The following BACE1 variants were observed in gnomAD, a reference collection of about 807,000 sequenced individuals.
The protein encoded by BACE1 is APP beta-secretase.
Under a neutral mutation model 54.0 loss-of-function variants are expected in BACE1, and 21 were observed. The ratio of observed to expected loss-of-function variants is 0.39; its 90% CI spans 0.28 to 0.56. The LOEUF (loss-of-function observed/expected upper bound fraction) is 0.56, where lower values mean the gene tolerates loss of function less well. Ranked by LOEUF, BACE1 falls within the 20% of genes least tolerant of loss-of-function variation. The probability of loss-of-function intolerance (pLI) is 0.63; values close to 1 mark genes in which losing one functional copy is unlikely to be tolerated. For missense variants in BACE1, 511 were observed against 661.2 expected (o/e 0.77, Z 2.49); for synonymous variants, 232 against 260.9 (o/e 0.89, Z 1.07).
chr11:117,307,972 T>A (rs563244567), intron 1 of BACE1, among the ~76,000 whole-genome samples: 2 of 119,078 alleles, frequency 1.7e-5, no homozygotes, highest in African/African-American at 6.6e-5. Context: ...AACTCTTTTT[T>A]AAAAAAATAT....
intron 1 of BACE1, among the ~76,000 whole-genome samples, chr11:117,298,299 C>T (rs1276316458): frequency 7.1e-6 from 1 of 140,578 alleles, no homozygotes; most frequent in Admixed American, 7.1e-5. Flanking sequence ...CACTCCGTCT[C>T]AAAAAAAAAA....
chr11:117,297,272 C>G (rs1419249011), intron 1 of BACE1: 2 of 301,490 alleles, frequency 6.6e-6, no homozygotes, highest in Non-Finnish European at 1.2e-5. Flanking sequence ...TATAGGAAGT[C>G]AAAGAGATAG....
chr11:117,295,138 ATC>A lies in BACE1; in HGVS notation c.558_559del (p.Glu186AspfsTer5). The A allele has an allele frequency of 6.2e-7, 1 of 1,614,026 alleles. No individual in the cohort carries two copies. ...AAGCCCTGTTCCTCTCACCCTGGCA[ATC>A]TCAGCATAGGCCAGCCCCAGGATGC... is the stretch of plus-strand genomic sequence containing the variant. On this transcript the variant is annotated frameshift_variant, in exon 3 of 9. Coordinates refer to ENST00000313005, the MANE Select transcript of BACE1 (RefSeq NM_012104.6). LOFTEE classifies it high-confidence loss of function.
rs2134433832 is a variant in BACE1, at chr11:117,286,920, G to A, written c.*2646C>T. On this transcript the variant is annotated 3_prime_UTR_variant, in exon 9 of 9. Coordinates refer to ENST00000313005, the MANE Select transcript of BACE1 (RefSeq NM_012104.6). ...GAAGACCAGTTCTATTGTTCTTTTT[G>A]TTTAGGGGATTCGTTTTTTATCTTG... 6.6e-6 allele frequency: 1 copy of A among 152,610 alleles called. No homozygotes were observed. The highest frequency in any genetic ancestry group is 1.9e-4 in the East Asian group (1 of 5,184). 9.5% of individuals were successfully genotyped at this position (152,610 alleles called of 1,614,324 possible).
chr11:117,304,375 C>G (rs1460114266), intron 1 of BACE1, among the ~76,000 whole-genome samples: 1 of 152,240 alleles, frequency 6.6e-6, no homozygotes, highest in African/African-American at 2.4e-5. Context: ...AAATTACAAG[C>G]CAACACACGG....
Position 117,315,701 on chromosome 11 carries a change from C to T in BACE1, c.95G>A (p.Ser32Asn). ...TQHGIRLPLR[S>N]GLGGAPLGLR... ...CCCCAGGGGGGCGCCCCCCAGGCCG[C>T]TGCGCAGGGGCAGCCGGATGCCGTG... Residue 32 changes from serine to asparagine, a missense_variant, in exon 1 of 9, where the codon AGC becomes AAC. Around this residue, in one of 2 missense-constraint regions of BACE1, gnomAD observed 104 missense variants for 95.5 expected, o/e 1.09. Coordinates refer to ENST00000313005, the MANE Select transcript of BACE1 (RefSeq NM_012104.6). This position sits in a 1 kb window ranked among gnomAD's most constrained non-coding sequence, Gnocchi z 5.5. 3 of 1,508,162 alleles carry T rather than the reference C, an allele frequency of 2.0e-6. No homozygotes were observed. The highest frequency in any genetic ancestry group is 2.7e-6 in the Non-Finnish European group (3 of 1,130,662). The allele number at this position is 1,508,162 out of a possible 1,614,324, so 93.4% of individuals were successfully genotyped here.
rs144770291 is a variant in BACE1 at position 117,289,309 on chromosome 11, G to A, written c.*257C>T. 2.2e-3 allele frequency: 1,014 copies of A among 459,160 alleles called. 5 individuals are homozygous for A. Among genetic ancestry groups the A allele is most frequent in the African/African-American group, 0.016 (809 of 52,046 alleles). 28.4% of individuals were successfully genotyped at this position (459,160 alleles called of 1,614,324 possible). The stretch of plus-strand genomic sequence containing the variant: ...GAAGTTTCAAGCAGCAGAATTTCCC[G>A]ACTTAAATTTGAGGTGACCAAGAGT... On this transcript the variant is annotated 3_prime_UTR_variant, in exon 9 of 9. Transcript: ENST00000313005.
chr11:117,296,837 A>G (rs771902763), intron 2 of BACE1, 36 bp downstream of exon 2: 2 of 1,513,774 alleles, frequency 1.3e-6, no homozygotes, highest in South Asian at 1.1e-5. Flanking sequence ...GGATCCTTGG[A>G]AAAGGTACTT....
Position 117,287,509 on chromosome 11 carries a change from G to A in BACE1, c.*2057C>T, listed in dbSNP as rs1278857581. The stretch of plus-strand genomic sequence containing the variant: ...GAAGTAACTGTAAAAAGAAAAACAA[G>A]TGCAAGTTTTCTTTAAAAAAATAAT... On this transcript the variant is annotated 3_prime_UTR_variant, in exon 9 of 9. Coordinates refer to ENST00000313005, the MANE Select transcript of BACE1 (RefSeq NM_012104.6). 2 of 152,614 alleles carry A rather than the reference G, an allele frequency of 1.3e-5. No homozygotes were observed. Among genetic ancestry groups the A allele is most frequent in the East Asian group, 1.9e-4 (1 of 5,202 alleles). 9.5% of individuals were successfully genotyped at this position (152,614 alleles called of 1,614,324 possible).
At chr11:117,299,152 C>T (rs544549033) in intron 1 of BACE1, among the ~76,000 whole-genome samples, 1 of 152,236 alleles carries the variant, frequency 6.6e-6, no homozygotes, top group East Asian at 1.9e-4. Context: ...CCTGACCCCA[C>T]CTTCAGTCAG....
chr11:117,298,581 T>C (rs1036608759), intron 1 of BACE1, among the ~76,000 whole-genome samples: 1 of 152,224 alleles, frequency 6.6e-6, no homozygotes, highest in Non-Finnish European at 1.5e-5. Flanking sequence ...GGGACCAGGA[T>C]GGCACATCAG....
intron 8 of BACE1, 65 bp from the exon 9 acceptor site, chr11:117,289,872 TCCTGATAGTGAGG>T: frequency 6.9e-7 from 1 of 1,446,228 alleles, no homozygotes; most frequent in Non-Finnish European, 9.7e-7. Flanking sequence ...AAAAAGAACT[TCCTGATAGTGAGG>T]CCTTGAAATT....
rs375779663 is a variant in BACE1 at position 117,315,623 on chromosome 11, C to T, written c.173G>A (p.Gly58Asp). 5 of 1,585,926 alleles carry T rather than the reference C, an allele frequency of 3.2e-6. No individual in the cohort carries two copies. The highest frequency in any genetic ancestry group is 4.3e-6 in the Non-Finnish European group (5 of 1,168,188). Residue 58 changes from glycine to aspartate, a missense_variant, in exon 1 of 9, where the codon GGC becomes GAC. Coordinates refer to ENST00000313005, the MANE Select transcript of BACE1 (RefSeq NM_012104.6). This position sits in a 1 kb window ranked among gnomAD's most constrained non-coding sequence, Gnocchi z 5.5. The part of the protein sequence containing the change: ...DEEPEEPGRR[G>D]SFVEMVDNLR... Reference sequence around the variant, plus strand: ...GTTGTCCACCATCTCCACAAAGCTGCCCCTCCGGCCGGGCTCCTCGGGCTC... The same window carrying T: ...GTTGTCCACCATCTCCACAAAGCTGTCCCTCCGGCCGGGCTCCTCGGGCTC...
chr11:117,289,491 G>A lies in BACE1; in HGVS notation c.*75C>T, dbSNP rs2034350920. ...TGCTCTGGCCACAGGTGCCATCTGT[G>A]TCTCCTACTTGTGACCAAAGTGAAC... On this transcript the variant is annotated 3_prime_UTR_variant, in exon 9 of 9. Transcript: ENST00000313005. 6.4e-7 allele frequency: 1 copy of A among 1,552,402 alleles called. No homozygotes were observed. Among genetic ancestry groups the A allele is most frequent in the Non-Finnish European group, 8.7e-7 (1 of 1,148,174 alleles).
At position 117,288,749 on chromosome 11, in the gene BACE1, CATTTA is replaced by C. The variant is rs2034330884; in HGVS notation, c.*812_*816del. 6.6e-6 allele frequency: 1 copy of C among 152,314 alleles called. No individual in the cohort carries two copies. Among genetic ancestry groups the C allele is most frequent in the African/African-American group, 2.4e-5 (1 of 41,468 alleles). 9.4% of individuals were successfully genotyped at this position (152,314 alleles called of 1,614,324 possible). A position where few individuals can be genotyped will look rare whatever the true frequency, so the allele number is the denominator to read the frequency against. Reference sequence around the variant, plus strand: ...AAGTGGAACTTCTTAGTGGGCACTTCATTTAAGAGAGCTAAAAAAGAGCTCTTTGG... The same window carrying C: ...AAGTGGAACTTCTTAGTGGGCACTTCAGAGAGCTAAAAAAGAGCTCTTTGG... On this transcript the variant is annotated 3_prime_UTR_variant, in exon 9 of 9. Transcript: ENST00000313005.
intron 3 of BACE1, chr11:117,294,339 C>T (rs903309777): frequency 2.3e-5 from 4 of 171,336 alleles, no homozygotes; most frequent in African/African-American, 9.6e-5. Context: ...GCCTCAGCCT[C>T]CTGAGTAGCT....
At chr11:117,295,389 C>G in intron 2 of BACE1, 42 bp from the exon 3 acceptor site, 1 of 1,599,626 alleles carries the variant, frequency 6.3e-7, no homozygotes, top group Non-Finnish European at 8.5e-7. Flanking sequence ...ATAACCACAA[C>G]TGGTATAAGG....
intron 1 of BACE1, among the ~76,000 whole-genome samples, chr11:117,313,311 A>G (rs931707812): frequency 6.6e-6 from 1 of 152,196 alleles, no homozygotes; most frequent in Non-Finnish European, 1.5e-5. Context: ...CCTCTTCTAG[A>G]AAGGAACGAG....
Position 117,290,583 on chromosome 11 carries a change from G to A in BACE1, c.1169C>T (p.Thr390Met). The A allele has an allele frequency of 1.9e-6, 3 of 1,614,236 alleles. No homozygotes were observed. The highest frequency in any genetic ancestry group is 2.5e-6 in the Non-Finnish European group (3 of 1,180,048). The stretch of plus-strand genomic sequence containing the variant: ...GATAACAGCTCCCATAACAGTGCCC[G>A]TGGATGACTGTGAGATGGCAAACTT... ...CYKFAISQSS[T>M]GTVMGAVIME... is the part of the protein sequence containing the mutation. Residue 390 changes from threonine to methionine, a missense_variant, in exon 8 of 9, where the codon ACG becomes ATG. Thr to Met is a moderately conservative substitution (Grantham distance 81). Coordinates refer to ENST00000313005, the MANE Select transcript of BACE1 (RefSeq NM_012104.6).
Sources: gnomAD v4.1 joint callset for allele counts (sites outside exome capture counted in the v4.1 genomes callset) on GRCh38, gnomAD v4.1.1 for gene constraint, gnomAD v4.1.1 regional missense constraint, Gnocchi (gnomAD v3.1) non-coding constraint, MANE v1.5 for transcripts, NCBI Gene and HGNC (gene_info 2026-07-23, HGNC 2026-07-21) for gene names.